The following PCDHGB4 variants were observed in gnomAD, a reference collection of about 807,000 sequenced individuals.
The protein encoded by PCDHGB4 is protocadherin gamma subfamily B, 4.
PCDHGB4 carries 38 observed loss-of-function variants against 60.5 expected under a neutral mutation model. That is an observed-to-expected ratio of 0.63 (90% confidence interval 0.48 to 0.82). The LOEUF (loss-of-function observed/expected upper bound fraction) is 0.82. Ranked by LOEUF, PCDHGB4 falls within the 40% of genes least tolerant of loss-of-function variation. The pLI is 0.00. For synonymous variants in PCDHGB4, 456 were observed against 509.7 expected, an observed-to-expected ratio of 0.89 and a Z score of 1.42; for missense variants, 1,109 against 1,209.6, an observed-to-expected ratio of 0.92 and a Z score of 1.23.
chr5:141,406,781 T>C (rs1054583306), intron 1 of PCDHGB4, among the ~76,000 whole-genome samples: 4 of 152,218 alleles, frequency 2.6e-5, no homozygotes, highest in Non-Finnish European at 5.9e-5. Context: ...CTCTCACTTA[T>C]ATATTATTTC....
rs1248714579 is a variant in PCDHGB4 at position 141,489,513 on chromosome 5, C to A, written c.2398-5294C>A. The A allele has an allele frequency of 6.2e-7, 1 of 1,614,000 alleles. No homozygotes were observed. Among genetic ancestry groups the A allele is most frequent in the African/African-American group, 1.3e-5 (1 of 74,918 alleles). ...CCCTGGCAGTGAATCAAAAGATTGACCGAGAAAGCCTATGTGGAGCCAGCA... is the reference window on the plus strand; with the variant it reads ...CCCTGGCAGTGAATCAAAAGATTGAACGAGAAAGCCTATGTGGAGCCAGCA... On this transcript the variant is annotated intron_variant, in intron 1 of 3. Coordinates refer to ENST00000519479, the MANE Select transcript of PCDHGB4 (RefSeq NM_003736.4). The surrounding 1 kb of genome is among the most constrained non-coding windows in gnomAD (Gnocchi z 4.5).
chr5:141,397,835 T>G (rs1483046343), intron 1 of PCDHGB4, among the ~76,000 whole-genome samples: 1 of 152,238 alleles, frequency 6.6e-6, no homozygotes, highest in Admixed American at 6.5e-5. Context: ...CTGGTTAACT[T>G]GAAGCCGCAG....
At chr5:141,400,685 T>G in intron 1 of PCDHGB4, 1 of 827,408 alleles carries the variant, frequency 1.2e-6, no homozygotes, top group South Asian at 1.8e-5. Context: ...AAATTGTGAG[T>G]TTTTATGTCG....
intron 1 of PCDHGB4, chr5:141,478,798 T>G: frequency 6.8e-7 from 1 of 1,463,780 alleles, no homozygotes. Flanking sequence ...TCCTCAGCAC[T>G]CTTTTGCTAT....
At chr5:141,409,201 A>G (rs2095240333) in intron 1 of PCDHGB4, 1 of 1,614,044 alleles carries the variant, frequency 6.2e-7, no homozygotes, top group Non-Finnish European at 8.5e-7. Flanking sequence ...AGTGTAAAGT[A>G]ATCATAGAAA....
rs72790062 is a variant in PCDHGB4, at chr5:141,476,031, C to A, written c.2398-18776C>A. On this transcript the variant is annotated intron_variant, in intron 1 of 3. Coordinates refer to ENST00000519479, the MANE Select transcript of PCDHGB4 (RefSeq NM_003736.4). The surrounding 1 kb of genome is among the most constrained non-coding windows in gnomAD (Gnocchi z 7.6). Reference sequence around the variant, plus strand: ...AAGCCATGTCGGACTCGGCGCCCAGCGCCCAAGCGCTAACCCGCTGAAAGT... The same window carrying A: ...AAGCCATGTCGGACTCGGCGCCCAGAGCCCAAGCGCTAACCCGCTGAAAGT... 6.9e-6 allele frequency: 10 copies of A among 1,457,214 alleles called. No homozygotes were observed. The highest frequency in any genetic ancestry group is 9.1e-6 in the Non-Finnish European group (10 of 1,094,860). 90.3% of individuals were successfully genotyped at this position (1,457,214 alleles called of 1,614,324 possible).
At position 141,389,924 on chromosome 5, in the gene PCDHGB4, T is replaced by A. The variant is rs749120978; in HGVS notation, c.2040T>A (p.Ser680=). Residue 680 remains serine, a synonymous_variant, in exon 1 of 4, where the codon TCT becomes TCA. Transcript: ENST00000519479. ...LPDITDRPDP[S]DLQAELQFYL... ...ATATCACTGACCGCCCCGACCCCTC[T>A]GACCTCCAGGCTGAGCTGCAGTTTT... 13 of 1,614,062 alleles carry A rather than the reference T, an allele frequency of 8.1e-6. No homozygotes were observed. The highest frequency in any genetic ancestry group is 1.0e-5 in the Non-Finnish European group (12 of 1,179,882).
At position 141,398,835 on chromosome 5, in the gene PCDHGB4, T is replaced by C. The variant is rs371527677; in HGVS notation, c.2397+8554T>C. The C allele has an allele frequency of 2.0e-5, 33 of 1,613,914 alleles. No homozygotes were observed. In the African/African-American group the frequency reaches 3.7e-4, roughly 18 times the overall value. ...TCCGGATCCAGGTAACCGACGCCAA[T>C]GATAATCCCCCGGTATTCAACCGAG... On this transcript the variant is annotated intron_variant, in intron 1 of 3. Transcript: ENST00000519479.
intron 1 of PCDHGB4, chr5:141,413,266 GGA>G: frequency 6.2e-7 from 1 of 1,613,962 alleles, no homozygotes; most frequent in South Asian, 1.1e-5. Context: ...ATGGGAGGCT[GGA>G]GCCCGGCAGA....
intron 1 of PCDHGB4, chr5:141,422,851 C>A (rs1459531183): frequency 1.2e-6 from 2 of 1,614,122 alleles, no homozygotes; most frequent in African/African-American, 1.3e-5. Flanking sequence ...CGGGGACCCG[C>A]CCCTCAGCAG....
rs761938460 is a variant in PCDHGB4 at position 141,393,330 on chromosome 5, AG to A, written c.2397+3050del. On this transcript the variant is annotated intron_variant, in intron 1 of 3. Coordinates refer to ENST00000519479, the MANE Select transcript of PCDHGB4 (RefSeq NM_003736.4). The stretch of plus-strand genomic sequence containing the variant: ...GAACTCCCTCCAGAGCTACCAGCTC[AG>A]CCCCAATCACCACTTCTCCCTGGAC... The A allele has an allele frequency of 3.7e-6, 6 of 1,611,072 alleles. No individual in the cohort carries two copies. In the African/African-American group the frequency reaches 6.8e-5, roughly 18 times the overall value.
intron 1 of PCDHGB4, chr5:141,428,217 C>A: frequency 8.3e-7 from 1 of 1,211,998 alleles, no homozygotes; most frequent in Non-Finnish European, 1.2e-6. Context: ...TTCACCTAGT[C>A]TTCGCAGACA....
chr5:141,420,286 A>C, intron 1 of PCDHGB4: 1 of 1,505,774 alleles, frequency 6.6e-7, no homozygotes, highest in Non-Finnish European at 8.9e-7. Flanking sequence ...TAAGTATTTA[A>C]AAATGTATTT....
rs1195194477 is a variant in PCDHGB4, at chr5:141,432,620, C to G, written c.2397+42339C>G. On this transcript the variant is annotated intron_variant, in intron 1 of 3. Transcript: ENST00000519479. The surrounding 1 kb of genome is among the most constrained non-coding windows in gnomAD (Gnocchi z 6.0). ...CGAGCCGGGACTCTTCTCGGTGGGTCTGCACACGGGCGAGGTGCGCACGGC... is the reference window on the plus strand; with the variant it reads ...CGAGCCGGGACTCTTCTCGGTGGGTGTGCACACGGGCGAGGTGCGCACGGC... 6 of 1,613,190 alleles carry G rather than the reference C, an allele frequency of 3.7e-6. No individual in the cohort carries two copies. Among genetic ancestry groups the G allele is most frequent in the Admixed American group, 1.7e-5 (1 of 59,978 alleles).
At chr5:141,462,387 A>G (rs781355919) in intron 1 of PCDHGB4, among the ~76,000 whole-genome samples, 13 of 152,178 alleles carry the variant, frequency 8.5e-5, no homozygotes, top group Non-Finnish European at 1.3e-4. Context: ...AAATTCGTTA[A>G]CATTTCTTTT....
chr5:141,389,094 A>G lies in PCDHGB4; in HGVS notation c.1210A>G (p.Thr404Ala), dbSNP rs2091600869. 2.5e-6 allele frequency: 4 copies of G among 1,613,928 alleles called. No individual in the cohort carries two copies. The highest frequency in any genetic ancestry group is 1.7e-5 in the Admixed American group (1 of 60,018). Residue 404 changes from threonine to alanine, a missense_variant, in exon 1 of 4, where the codon ACA becomes GCA. By Grantham distance (58) the Thr-to-Ala change is moderately conservative. Around this residue, in one of 2 missense-constraint regions of PCDHGB4, gnomAD observed 1,068 missense variants for 1,089.9 expected, o/e 0.98. Transcript: ENST00000519479. ...TTCAAGAAACACGTATAAATTAGTGACAGATGCTGTTCTAGACCGCGAGCA... is the reference window on the plus strand; with the variant it reads ...TTCAAGAAACACGTATAAATTAGTGGCAGATGCTGTTCTAGACCGCGAGCA... ...TSSRNTYKLV[T>A]DAVLDREQNP...
At chr5:141,399,927 G>A (rs918358571) in intron 1 of PCDHGB4, 7 of 1,612,226 alleles carry the variant, frequency 4.3e-6, no homozygotes, top group Non-Finnish European at 5.1e-6. Flanking sequence ...ACGCCTGGCT[G>A]TCCTACCACG....
At chr5:141,467,373 T>C (rs2099143070) in intron 1 of PCDHGB4, among the ~76,000 whole-genome samples, 1 of 152,064 alleles carries the variant, frequency 6.6e-6, no homozygotes, top group Non-Finnish European at 1.5e-5. Context: ...TTTCTTATAT[T>C]GCATTTAGGT....
chr5:141,445,376 A>T (rs1182418123), intron 1 of PCDHGB4, among the ~76,000 whole-genome samples: 1 of 152,220 alleles, frequency 6.6e-6, no homozygotes, highest in Non-Finnish European at 1.5e-5. Context: ...TGGGTGGTTC[A>T]TTCATTCATT....
Sources: gnomAD v4.1 joint callset for allele counts (sites outside exome capture counted in the v4.1 genomes callset) on GRCh38, gnomAD v4.1.1 for gene constraint, gnomAD v4.1.1 regional missense constraint, Gnocchi (gnomAD v3.1) non-coding constraint, MANE v1.5 for transcripts, NCBI Gene and HGNC (gene_info 2026-07-23, HGNC 2026-07-21) for gene names.